The following PPARGC1A variants were observed in gnomAD, a reference collection of about 807,000 sequenced individuals.
The protein encoded by PPARGC1A is peroxisome proliferator-activated receptor gamma coactivator 1-alpha.
Under a neutral mutation model 88.7 loss-of-function variants are expected in PPARGC1A, and 25 were observed. The observed-to-expected ratio is 0.28, with a 90% CI of 0.21 to 0.39. The LOEUF (loss-of-function observed/expected upper bound fraction) is 0.39, where lower values mean the gene tolerates loss of function less well. PPARGC1A is among the 10% of genes least tolerant of loss of function. The pLI is 1.00. For missense variants in PPARGC1A, 880 were observed against 968.7 expected, an observed-to-expected ratio of 0.91 and a Z score of 1.22; for synonymous variants, 363 against 355.6, an observed-to-expected ratio of 1.02 and a Z score of -0.24.
the PPARGC1A span, among the ~76,000 whole-genome samples, chr4:24,247,522 C>A: frequency 1.3e-5 from 2 of 152,058 alleles, no homozygotes; most frequent in African/African-American, 2.4e-5. Context: ...TTCAAAATTT[C>A]AGAAGACACT....
the PPARGC1A span, among the ~76,000 whole-genome samples, chr4:23,993,557 T>C: frequency 6.6e-6 from 1 of 152,152 alleles, no homozygotes; most frequent in Non-Finnish European, 1.5e-5. Context: ...CTGTTCATAG[T>C]TTCACTTCAT....
At chr4:24,114,950 C>T in the PPARGC1A span, among the ~76,000 whole-genome samples, 1 of 152,216 alleles carries the variant, frequency 6.6e-6, no homozygotes, top group East Asian at 1.9e-4. Context: ...TTATTTCATA[C>T]TTTAAGAAAC....
chr4:24,270,310 TC>T, the PPARGC1A span, among the ~76,000 whole-genome samples: 32 of 4,122 alleles, frequency 7.8e-3, no homozygotes, highest in East Asian at 0.37. Flanking sequence ...AATCAACCTC[TC>T]TCTCTCTCTC....
the PPARGC1A span, among the ~76,000 whole-genome samples, chr4:24,089,026 A>T: frequency 1.3e-5 from 2 of 152,116 alleles, no homozygotes; most frequent in African/African-American, 2.4e-5. Context: ...GTGTTTGTTC[A>T]CTCTCTCACA....
chr4:24,093,957 C>T, the PPARGC1A span, among the ~76,000 whole-genome samples: 2 of 151,502 alleles, frequency 1.3e-5, no homozygotes, highest in Non-Finnish European at 2.9e-5. Context: ...AGCAAGATAG[C>T]ATTTCCCTAA....
chr4:24,222,849 G>C, the PPARGC1A span, among the ~76,000 whole-genome samples: 2 of 152,170 alleles, frequency 1.3e-5, no homozygotes, highest in Non-Finnish European at 2.9e-5. Context: ...TTTACTGGCA[G>C]TTAGACACAA....
chr4:23,813,084 G>C lies in PPARGC1A; in HGVS notation c.1835C>G (p.Thr612Arg). 1 of 1,613,986 alleles carries C rather than the reference G, an allele frequency of 6.2e-7. No individual in the cohort carries two copies. The highest frequency in any genetic ancestry group is 8.5e-7 in the Non-Finnish European group (1 of 1,179,952). ...YYESSHYRHR[T>R]HRNSPLYVRS... ...CACATACAAGGGAGAATTTCGGTGC[G>C]TGCGGTGTCTGTAGTGGCTTGACTC... The change falls in exon 9 of 13, where the codon ACG (threonine) becomes AGG (arginine). Residue 612 changes from threonine (T) to arginine (R), a missense_variant. Thr to Arg is a moderately conservative substitution (Grantham distance 71). Coordinates refer to ENST00000264867, the MANE Select transcript of PPARGC1A (RefSeq NM_013261.5).
At chr4:24,341,605 G>T in the PPARGC1A span, among the ~76,000 whole-genome samples, 1 of 152,186 alleles carries the variant, frequency 6.6e-6, no homozygotes, top group Non-Finnish European at 1.5e-5. Context: ...TTCGGTTTGG[G>T]ATAAGAGGTC....
intron 7 of PPARGC1A, among the ~76,000 whole-genome samples, chr4:23,821,017 A>T (rs1223665878): frequency 2.0e-5 from 3 of 152,098 alleles, no homozygotes; most frequent in Admixed American, 6.6e-5. Context: ...TGCTGCACCT[A>T]TGGTAGACAT....
At chr4:24,359,844 C>A in the PPARGC1A span, among the ~76,000 whole-genome samples, 1 of 152,142 alleles carries the variant, frequency 6.6e-6, no homozygotes, top group Non-Finnish European at 1.5e-5. Context: ...CCTGCCAATA[C>A]CTTAGTTTGG....
At chr4:24,397,795 C>A in the PPARGC1A span, among the ~76,000 whole-genome samples, 1 of 152,152 alleles carries the variant, frequency 6.6e-6, no homozygotes, top group Admixed American at 6.5e-5. Context: ...GTATTAATAG[C>A]AAATATAGTG....
At chr4:24,263,456 TACACAC>T in the PPARGC1A span, among the ~76,000 whole-genome samples, 4,496 of 150,170 alleles carry the variant, frequency 0.03, 211 homozygotes, top group African/African-American at 0.1. Context: ...TGTGGGTGTA[TACACAC>T]ACACACACAC....
At chr4:23,904,818 G>C (rs1415288390), upstream of PPARGC1A, among the ~76,000 whole-genome samples, 1 of 152,046 alleles carries the variant, frequency 6.6e-6, no homozygotes, top group East Asian at 1.9e-4. Flanking sequence ...CTCACAGAAG[G>C]GCACCCCATA....
At chr4:24,175,795 A>G in the PPARGC1A span, among the ~76,000 whole-genome samples, 1 of 151,986 alleles carries the variant, frequency 6.6e-6, no homozygotes, top group Non-Finnish European at 1.5e-5. Context: ...AAATATTTTA[A>G]TCCCGCTCTT....
chr4:23,877,367 A>C (rs1475383645), intron 2 of PPARGC1A, among the ~76,000 whole-genome samples: 2 of 129,214 alleles, frequency 1.5e-5, no homozygotes, highest in Non-Finnish European at 3.6e-5. Flanking sequence ...ATACAAAAAA[A>C]AAAAAAAAAA....
chr4:24,231,493 C>T, the PPARGC1A span, among the ~76,000 whole-genome samples: 1 of 152,192 alleles, frequency 6.6e-6, no homozygotes, highest in Non-Finnish European at 1.5e-5. Context: ...CAGAGTGACT[C>T]ATCCCAAAGG....
upstream of PPARGC1A, among the ~76,000 whole-genome samples, chr4:23,899,693 C>A (rs1403787981): frequency 6.6e-6 from 1 of 152,168 alleles, no homozygotes; most frequent in Non-Finnish European, 1.5e-5. Flanking sequence ...TATAATTCCA[C>A]TTCTATAAAG....
chr4:24,119,322 A>G, the PPARGC1A span, among the ~76,000 whole-genome samples: 1 of 152,206 alleles, frequency 6.6e-6, no homozygotes, highest in African/African-American at 2.4e-5. Context: ...TGTCACCAGA[A>G]GCACATTCGG....
the PPARGC1A span, among the ~76,000 whole-genome samples, chr4:24,060,502 A>C: frequency 6.6e-6 from 1 of 152,232 alleles, no homozygotes; most frequent in Non-Finnish European, 1.5e-5. Flanking sequence ...ACTGGGTTGC[A>C]CTATTTTTAA....
Sources: gnomAD v4.1 joint callset for allele counts (sites outside exome capture counted in the v4.1 genomes callset) on GRCh38, gnomAD v4.1.1 for gene constraint, MANE v1.5 for transcripts, NCBI Gene and HGNC (gene_info 2026-07-23, HGNC 2026-07-21) for gene names.